The following SS18 variants were observed in gnomAD, a reference collection of about 807,000 sequenced individuals.
SS18 encodes protein SSXT.
Under a neutral mutation model 72.5 loss-of-function variants are expected in SS18, and 28 were observed. That is an observed-to-expected ratio of 0.39 (90% CI 0.29 to 0.53). The LOEUF is 0.53. SS18 is among the 20% of genes least tolerant of loss of function. SS18 has a pLI of 0.76. For synonymous variants in SS18, 172 were observed against 164.2 expected (o/e 1.05, Z -0.37); for missense variants, 518 against 535.3 (o/e 0.97, Z 0.32).
chr18:26,067,833 C>A (rs1309554358), intron 3 of SS18, among the ~76,000 whole-genome samples: 1 of 152,152 alleles, frequency 6.6e-6, no homozygotes, highest in Non-Finnish European at 1.5e-5. Context: ...GCACCAGGGA[C>A]TGATTTTGTA....
chr18:26,085,438 G>C (rs1189560104), intron 2 of SS18, among the ~76,000 whole-genome samples: 1 of 152,180 alleles, frequency 6.6e-6, no homozygotes, highest in Non-Finnish European at 1.5e-5. Context: ...TGAAAGCTAG[G>C]ACTCTAAAAA....
chr18:26,028,693 T>C (rs2053493508), intron 10 of SS18, among the ~76,000 whole-genome samples: 1 of 152,202 alleles, frequency 6.6e-6, no homozygotes, highest in Non-Finnish European at 1.5e-5. Context: ...TTCTATACAA[T>C]TTTGGAAAAT....
At chr18:26,032,283 A>G in intron 10 of SS18, 116 bp downstream of exon 10, 3 of 1,206,744 alleles carry the variant, frequency 2.5e-6, no homozygotes, top group Non-Finnish European at 3.5e-6. Flanking sequence ...TGTACCATAA[A>G]CATTCCCTCA....
At chr18:26,030,781 T>G (rs767078329) in intron 10 of SS18, among the ~76,000 whole-genome samples, 1 of 151,856 alleles carries the variant, frequency 6.6e-6, no homozygotes, top group Non-Finnish European at 1.5e-5. Context: ...GCAGTATGAT[T>G]CAGAGGCTAG....
At chr18:26,030,136 C>G (rs919771596) in intron 10 of SS18, among the ~76,000 whole-genome samples, 1 of 152,360 alleles carries the variant, frequency 6.6e-6, no homozygotes, top group East Asian at 1.9e-4. Context: ...AAGCTCCACA[C>G]TGATGTCAGG....
chr18:26,040,315 C>T lies in SS18; in HGVS notation c.608-859G>A, dbSNP rs1056567109. 2.0e-4 allele frequency among the ~76,000 whole-genome samples: 31 copies of T among 152,288 alleles called. 1 individual carries two copies. The highest frequency in any genetic ancestry group is 7.5e-4 in the African/African-American group (31 of 41,558). ...TGGCCATAAAGTCCCACATTGCCAT[C>T]TAACAATGTTAAGCAGCTCCTGAGA... On this transcript the variant is annotated intron_variant, in intron 5 of 10. Coordinates refer to ENST00000415083, the MANE Select transcript of SS18 (RefSeq NM_001007559.3).
At chr18:26,080,360 C>T (rs1009223916) in intron 2 of SS18, 16 of 985,254 alleles carry the variant, frequency 1.6e-5, no homozygotes, top group Admixed American at 1.2e-4. Context: ...TATGGTTGCA[C>T]GACATGAGAT....
intron 3 of SS18, among the ~76,000 whole-genome samples, chr18:26,069,071 C>G (rs962064280): frequency 1.3e-5 from 2 of 152,150 alleles, no homozygotes; most frequent in Non-Finnish European, 2.9e-5. Context: ...CAAACACTCT[C>G]TTCTACACTT....
chr18:26,079,343 T>C (rs1386894842), intron 2 of SS18, among the ~76,000 whole-genome samples: 1 of 152,310 alleles, frequency 6.6e-6, no homozygotes. Flanking sequence ...TTAGCAGTGA[T>C]CCAATCACTA....
rs145750736 is a variant in SS18, at chr18:26,087,517, T to C, written c.130A>G (p.Thr44Ala). ...CIMDSQNKGK[T>A]SECSQYQQML... ...CAATCTTACTGAGAACACTCTGAGGTCTTTCCTTTATTCTGAGAGTCCATT... is the reference window on the plus strand; with the variant it reads ...CAATCTTACTGAGAACACTCTGAGGCCTTTCCTTTATTCTGAGAGTCCATT... Residue 44 changes from threonine (T) to alanine (A), a missense_variant, in exon 2 of 11, where the codon ACC becomes GCC. Thr to Ala is a moderately conservative substitution (Grantham distance 58). Coordinates refer to ENST00000415083, the MANE Select transcript of SS18 (RefSeq NM_001007559.3). The C allele has an allele frequency of 1.9e-6, 3 of 1,589,212 alleles. No homozygotes were observed. Among genetic ancestry groups the C allele is most frequent in the African/African-American group, 2.7e-5 (2 of 73,798 alleles).
chr18:26,028,550 GACAA>G (rs2053490813), intron 10 of SS18, among the ~76,000 whole-genome samples: 1 of 152,020 alleles, frequency 6.6e-6, no homozygotes, highest in Non-Finnish European at 1.5e-5. Context: ...CATCTCAATG[GACAA>G]ACAAATAGCC....
chr18:26,049,355 T>C (rs1044165250), intron 5 of SS18, among the ~76,000 whole-genome samples: 16 of 152,180 alleles, frequency 1.1e-4, no homozygotes, highest in Admixed American at 6.5e-4. Flanking sequence ...ATAAATAAGA[T>C]TTTGTGTGTC....
chr18:26,068,122 G>GT (rs1167550184), intron 3 of SS18: 10 of 152,088 alleles, frequency 6.6e-5, no homozygotes, highest in Admixed American at 2.0e-4. Flanking sequence ...CCACAGACCC[G>GT]TATCAGTCCA....
At chr18:26,047,637 T>G (rs10438986) in intron 5 of SS18, among the ~76,000 whole-genome samples, 21 of 151,838 alleles carry the variant, frequency 1.4e-4, no homozygotes, top group South Asian at 2.1e-4. Flanking sequence ...GTCAGGAGAT[T>G]GAGACCATCC....
Position 26,038,565 on chromosome 18 carries a change from A to T in SS18, c.870T>A (p.Tyr290Ter), listed in dbSNP as rs2053665079. 1.2e-6 allele frequency: 2 copies of T among 1,612,952 alleles called. No homozygotes were observed. The highest frequency in any genetic ancestry group is 1.7e-6 in the Non-Finnish European group (2 of 1,179,160). ...ATCAGGAGAGATTACCATCAGGGTA[A>T]TATTGCTGGTTCATGCCTTCTGGAG... The part of the protein sequence containing the change: ...QGPPEGMNQQ[Y>*]YPDGHNDYGY... The change falls in exon 7 of 11, where the codon TAT (tyrosine) becomes TAA (stop). Residue 290 changes from tyrosine to a stop codon, truncating the protein, a stop_gained. Transcript: ENST00000415083. LOFTEE classifies it high-confidence loss of function.
chr18:26,080,428 A>G (rs2054497391), intron 2 of SS18: 1 of 981,944 alleles, frequency 1.0e-6, no homozygotes, highest in African/African-American at 1.7e-5. Context: ...ATGACCCTTT[A>G]AGAAAAAATT....
chr18:26,019,072 G>A (rs953269795), intron 10 of SS18, among the ~76,000 whole-genome samples: 5 of 152,114 alleles, frequency 3.3e-5, no homozygotes, highest in African/African-American at 1.2e-4. Flanking sequence ...ACATGATGAA[G>A]CAGCACGAAG....
chr18:26,080,364 A>T (rs2054496013), intron 2 of SS18: 5 of 985,330 alleles, frequency 5.1e-6, no homozygotes, highest in Non-Finnish European at 6.0e-6. Flanking sequence ...GTTGCACGAC[A>T]TGAGATTTTC....
chr18:26,029,604 C>T (rs958947390), intron 10 of SS18, among the ~76,000 whole-genome samples: 2 of 152,120 alleles, frequency 1.3e-5, no homozygotes, highest in Non-Finnish European at 2.9e-5. Context: ...ACCTGAGGAA[C>T]AGGAAGAATG....
Sources: allele counts gnomAD v4.1 joint callset (sites outside exome capture counted in the v4.1 genomes callset), GRCh38; gene constraint gnomAD v4.1.1; transcripts MANE v1.5; gene names NCBI Gene and HGNC (gene_info 2026-07-23, HGNC 2026-07-21).